The following PFKM variants were observed in gnomAD, a reference collection of about 807,000 sequenced individuals.
PFKM encodes phosphofructokinase, muscle, also known as ATP-dependent 6-phosphofructokinase, muscle type.
In PFKM, 58 loss-of-function variants were observed where a neutral mutation model predicts 95.5. That is an observed-to-expected ratio of 0.61 (90% CI 0.49 to 0.76). The LOEUF is 0.76. Ranked by LOEUF, PFKM falls within the 30% of genes least tolerant of loss-of-function variation. The pLI, the probability that PFKM is intolerant of heterozygous loss-of-function variation, is 0.00. For synonymous variants in PFKM, 336 were observed against 357.2 expected (o/e 0.94, Z 0.67); for missense variants, 678 against 1,005.4 (o/e 0.67, Z 4.40).
At chr12:48,133,170 A>C in intron 5 of PFKM, 113 bp downstream of exon 5, 2 of 1,294,294 alleles carry the variant, frequency 1.5e-6, no homozygotes, top group Non-Finnish European at 2.2e-6. Flanking sequence ...AATGTTACCC[A>C]GACACAAATA....
At position 48,134,794 on chromosome 12, in the gene PFKM, G is replaced by A. The variant is rs780328814; in HGVS notation, c.712G>A (p.Asp238Asn). ...VFIPECPPDD[D>N]WEEHLCRRLS... ...TATTCCTGAATGTCCACCAGATGAC[G>A]ACTGGGAGGAACACCTTTGTCGCCG... The change falls in exon 8 of 23, where the codon GAC becomes AAC. Residue 238 changes from aspartate (D) to asparagine (N), a missense_variant. Transcript: ENST00000359794. 1.9e-6 allele frequency: 3 copies of A among 1,613,986 alleles called. No individual in the cohort carries two copies. The highest frequency in any genetic ancestry group is 2.5e-6 in the Non-Finnish European group (3 of 1,179,974).
intron 12 of PFKM, chr12:48,139,613 A>G: frequency 1.6e-6 from 1 of 621,012 alleles, no homozygotes; most frequent in East Asian, 2.8e-5. Context: ...TCCTCTAGGC[A>G]AGGGACAGTC....
chr12:48,107,846 T>G (rs1380257356), intron 2 of PFKM, among the ~76,000 whole-genome samples: 1 of 152,200 alleles, frequency 6.6e-6, no homozygotes, highest in Non-Finnish European at 1.5e-5. Context: ...AAAAATGGCC[T>G]TCTCATCCAC....
chr12:48,139,466 C>T (rs1412596663), intron 12 of PFKM, 117 bp downstream of exon 12: 13 of 809,548 alleles, frequency 1.6e-5, no homozygotes, highest in Non-Finnish European at 1.7e-5. Flanking sequence ...TTCTGATTCT[C>T]TCTGCAGCAA....
At chr12:48,133,579 A>T (rs926866399) in intron 6 of PFKM, 99 bp downstream of exon 6, 1 of 1,094,672 alleles carries the variant, frequency 9.1e-7, no homozygotes, top group African/African-American at 1.5e-5. Context: ...AGCTATGGTG[A>T]CTATAATGGC....
At chr12:48,115,152 C>G (rs1332650359), upstream of PFKM, among the ~76,000 whole-genome samples, 1 of 152,166 alleles carries the variant, frequency 6.6e-6, no homozygotes, top group Non-Finnish European at 1.5e-5. Flanking sequence ...CTGTGGAGAT[C>G]AGACACCAAT....
chr12:48,140,320 A>G (rs1950467520), intron 13 of PFKM, among the ~76,000 whole-genome samples: 1 of 152,190 alleles, frequency 6.6e-6, no homozygotes, highest in African/African-American at 2.4e-5. Flanking sequence ...TTAAACATGC[A>G]AACTCCTGGG....
intron 3 of PFKM, among the ~76,000 whole-genome samples, chr12:48,109,452 G>A (rs1946996720): frequency 6.6e-6 from 1 of 151,996 alleles, no homozygotes; most frequent in South Asian, 2.1e-4. Flanking sequence ...TGCATAGAAA[G>A]CAGCAAGAAA....
chr12:48,141,960 A>G lies in PFKM; in HGVS notation c.1547A>G (p.Asp516Gly). 6.2e-7 allele frequency: 1 copy of G among 1,614,054 alleles called. No individual in the cohort carries two copies. Among genetic ancestry groups the G allele is most frequent in the Non-Finnish European group, 8.5e-7 (1 of 1,179,988 alleles). ...CTGATGGAGGGCAGGAAGCAGTTTG[A>G]TGAGCTCTGCATCCCATTTGTGGTC... ...LELMEGRKQF[D>G]ELCIPFVVIP... The change falls in exon 17 of 23, where the codon GAT (aspartate) becomes GGT (glycine). Residue 516 changes from aspartate (D) to glycine (G), a missense_variant. Asp to Gly is a moderately conservative substitution (Grantham distance 94, BLOSUM62 -1). Transcript: ENST00000359794.
At chr12:48,127,610 C>T (rs1307601705) in intron 2 of PFKM, among the ~76,000 whole-genome samples, 1 of 152,192 alleles carries the variant, frequency 6.6e-6, no homozygotes, top group African/African-American at 2.4e-5. Flanking sequence ...GCTACTCTTC[C>T]AGTTCAGGCC....
chr12:48,141,599 AG>A (rs1950578940), intron 15 of PFKM, 140 bp from the exon 16 acceptor site: 2 of 623,288 alleles, frequency 3.2e-6, no homozygotes, highest in East Asian at 3.6e-5. Context: ...TAGGACTGAG[AG>A]GGTGGGCTAG....
chr12:48,125,008 T>C (rs940750405), intron 2 of PFKM, among the ~76,000 whole-genome samples: 3 of 152,166 alleles, frequency 2.0e-5, no homozygotes, highest in African/African-American at 4.8e-5. Context: ...GTAAAATCCA[T>C]AGAGGTCACA....
At chr12:48,122,622 C>CCAAAGCTCTCAGGCTG (rs1310819293) in intron 1 of PFKM, 145 bp from the exon 2 acceptor site, 1 of 1,499,140 alleles carries the variant, frequency 6.7e-7, no homozygotes. Context: ...TGGAAGAAGT[C>CCAAAGCTCTCAGGCTG]CAAAGCTCTC....
chr12:48,107,941 C>CT (rs1946844005), intron 2 of PFKM: 1 of 824,152 alleles, frequency 1.2e-6, no homozygotes, highest in Non-Finnish European at 1.9e-6. Context: ...CATCGCGTCT[C>CT]TAATTTTTCA....
intron 2 of PFKM, among the ~76,000 whole-genome samples, chr12:48,126,145 T>A (rs920335174): frequency 6.6e-6 from 1 of 152,162 alleles, no homozygotes; most frequent in South Asian, 2.1e-4. Flanking sequence ...TGTAATCTTA[T>A]CCTTCGTCTT....
chr12:48,132,474 T>C (rs558790766), intron 4 of PFKM, among the ~76,000 whole-genome samples: 17 of 152,304 alleles, frequency 1.1e-4, no homozygotes, highest in Middle Eastern at 3.4e-3. Flanking sequence ...TAATAATAAT[T>C]TGGACACAAT....
At chr12:48,118,671 G>A (rs1947887830), upstream of PFKM, 8 of 734,732 alleles carry the variant, frequency 1.1e-5, 1 homozygote, top group Admixed American at 1.6e-4. Flanking sequence ...CAATTTATAT[G>A]TTTGCTTCAC....
rs190580764 is a variant in PFKM at position 48,145,762 on chromosome 12, A to G, written c.*54A>G. ...CCTGATCATGGTCAGCTCACACCCT[A>G]ATAAGTCCACATCTTCTCAGTGTTT... On this transcript the variant is annotated 3_prime_UTR_variant, in exon 23 of 23. Transcript: ENST00000359794. This position sits in a 1 kb window ranked among gnomAD's most constrained non-coding sequence, Gnocchi z 4.3. 9 of 1,564,092 alleles carry G rather than the reference A, an allele frequency of 5.8e-6. No individual in the cohort carries two copies. The African/African-American group carries it at 1.2e-4, about 21-fold the overall frequency.
chr12:48,130,437 G>A lies in PFKM; in HGVS notation c.159+1G>A, dbSNP rs1305706304. ...TGCCCGTGTCTTCTTTGTCCATGAG[G>A]TTGGTTCTGTACTTTGTTCTTCATC... On this transcript the variant is annotated splice_donor_variant, in intron 3 of 22. Transcript: ENST00000359794. LOFTEE classifies it high-confidence loss of function. 6.2e-7 allele frequency: 1 copy of A among 1,608,274 alleles called. No homozygotes were observed. The highest frequency in any genetic ancestry group is 1.3e-5 in the African/African-American group (1 of 74,786).
Sources: allele counts gnomAD v4.1 joint callset (sites outside exome capture counted in the v4.1 genomes callset), GRCh38; gene constraint gnomAD v4.1.1; non-coding constraint Gnocchi (gnomAD v3.1); transcripts MANE v1.5; gene names NCBI Gene and HGNC (gene_info 2026-07-23, HGNC 2026-07-21).